ESCO2: variants seen among roughly 807,000 people sequenced by gnomAD.
ESCO2 encodes the protein N-acetyltransferase ESCO2.
In ESCO2, 51 loss-of-function variants were observed where a neutral mutation model predicts 61.7. The observed-to-expected ratio is 0.83, with a 90% CI of 0.66 to 1.04. The LOEUF (loss-of-function observed/expected upper bound fraction) is 1.04. ESCO2 is among the 50% of genes least tolerant of loss of function. The probability of loss-of-function intolerance (pLI) is 0.00; values close to 1 mark genes in which losing one functional copy is unlikely to be tolerated. For synonymous variants in ESCO2, 230 were observed against 238.2 expected (o/e 0.97, Z 0.32); for missense variants, 692 against 686.2 (o/e 1.01, Z -0.09).
chr8:27,803,538 A>T lies in ESCO2; in HGVS notation c.*100A>T. On this transcript the variant is annotated 3_prime_UTR_variant, in exon 11 of 11. Transcript: ENST00000305188. ...TAATATCAAAATAAAAAATACCGAG[A>T]CTCACACTCATACACACACACACAC... 1 of 1,489,462 alleles carries T rather than the reference A, an allele frequency of 6.7e-7. No individual in the cohort carries two copies. The highest frequency in any genetic ancestry group is 2.6e-5 in the East Asian group (1 of 38,702). The allele number at this position is 1,489,462 out of a possible 1,614,324, so 92.3% of individuals were successfully genotyped here.
rs1805517537 is a variant in ESCO2 at position 27,804,365 on chromosome 8, T to A, written c.*927T>A. 3.0e-6 allele frequency: 3 copies of A among 985,320 alleles called. No individual in the cohort carries two copies. The highest frequency in any genetic ancestry group is 3.6e-6 in the Non-Finnish European group (3 of 829,926). 61.0% of individuals were successfully genotyped at this position (985,320 alleles called of 1,614,324 possible). A position where few individuals can be genotyped will look rare whatever the true frequency, so the allele number is the denominator to read the frequency against. On this transcript the variant is annotated 3_prime_UTR_variant, in exon 11 of 11. Coordinates refer to ENST00000305188, the MANE Select transcript of ESCO2 (RefSeq NM_001017420.3). ...TAACAAAATGCCTAGTTGGATTAGA[T>A]GTTTTCATTTTCTAATTTTTTGCTT...
At chr8:27,816,691 A>G (rs1480791634), downstream of ESCO2, among the ~76,000 whole-genome samples, 1 of 151,996 alleles carries the variant, frequency 6.6e-6, no homozygotes, top group African/African-American at 2.4e-5. Context: ...ACTATATTTT[A>G]GTTGTGAAAT....
chr8:27,809,044 C>A (rs1038756833), downstream of ESCO2, among the ~76,000 whole-genome samples: 3 of 152,032 alleles, frequency 2.0e-5, no homozygotes, highest in Non-Finnish European at 1.5e-5. Context: ...AGAGCCAATT[C>A]AAGAAAGATC....
chr8:27,774,372 G>C (rs1804729896), upstream of ESCO2: 1 of 152,140 alleles, frequency 6.6e-6, no homozygotes, highest in South Asian at 2.1e-4. Flanking sequence ...TGTGGGTGGC[G>C]TGGTTTCCCT....
Position 27,804,170 on chromosome 8 carries a change from G to C in ESCO2, c.*732G>C, listed in dbSNP as rs1805514596. The C allele has an allele frequency of 1.0e-6, 1 of 985,242 alleles. No individual in the cohort carries two copies. Among genetic ancestry groups the C allele is most frequent in the Admixed American group, 6.2e-5 (1 of 16,258 alleles). The allele number at this position is 985,242 out of a possible 1,614,324, so 61.0% of individuals were successfully genotyped here. A position where few individuals can be genotyped will look rare whatever the true frequency, so the allele number is the denominator to read the frequency against. On this transcript the variant is annotated 3_prime_UTR_variant, in exon 11 of 11. Coordinates refer to ENST00000305188, the MANE Select transcript of ESCO2 (RefSeq NM_001017420.3). ...AGATTATCCCATATGCATTTCTGTAGAGCAGAATTTGATAGCTTAGTGTTC... is the reference window on the plus strand; with the variant it reads ...AGATTATCCCATATGCATTTCTGTACAGCAGAATTTGATAGCTTAGTGTTC...
Position 27,804,828 on chromosome 8 carries a change from T to C in ESCO2, c.*1390T>C, listed in dbSNP as rs1172119074. ...GCACTTATTTCTTTTAAATATTTTATTTAAAATTTTTAATTAACATTTTGT... is the reference window on the plus strand; with the variant it reads ...GCACTTATTTCTTTTAAATATTTTACTTAAAATTTTTAATTAACATTTTGT... On this transcript the variant is annotated 3_prime_UTR_variant, in exon 11 of 11. Coordinates refer to ENST00000305188, the MANE Select transcript of ESCO2 (RefSeq NM_001017420.3). 3.4e-6 allele frequency: 3 copies of C among 890,040 alleles called. No homozygotes were observed. The highest frequency in any genetic ancestry group is 2.7e-6 in the Non-Finnish European group (2 of 742,834). 55.1% of individuals were successfully genotyped at this position (890,040 alleles called of 1,614,324 possible).
At position 27,784,072 on chromosome 8, in the gene ESCO2, T is replaced by C. The variant is rs377499602; in HGVS notation, c.1013+15T>C. 5 of 1,610,280 alleles carry C rather than the reference T, an allele frequency of 3.1e-6. No homozygotes were observed. Among genetic ancestry groups the C allele is most frequent in the Non-Finnish European group, 4.2e-6 (5 of 1,176,726 alleles). On this transcript the variant is annotated intron_variant, in intron 5 of 10. Transcript: ENST00000305188. ...AATTCAAAAAGGTGAGAATTGTTAT[T>C]GTTTTAAAGTCCAAGCCTTGTAAAT...
downstream of ESCO2, among the ~76,000 whole-genome samples, chr8:27,807,534 T>G (rs1805585684): frequency 1.3e-5 from 2 of 152,220 alleles, no homozygotes; most frequent in Non-Finnish European, 2.9e-5. Context: ...ACTTTTCATG[T>G]GTTCTTGAAT....
downstream of ESCO2, chr8:27,810,837 T>C (rs1585418920): frequency 5.7e-6 from 4 of 701,986 alleles, no homozygotes; most frequent in Non-Finnish European, 9.5e-6. Flanking sequence ...TTGTGTGAGA[T>C]TAAACCTTGG....
upstream of ESCO2, among the ~76,000 whole-genome samples, chr8:27,773,325 C>T (rs890352941): frequency 2.6e-5 from 4 of 152,200 alleles, no homozygotes; most frequent in Non-Finnish European, 5.9e-5. Context: ...TCTAGCCAAT[C>T]ACTGATGCTT....
In ESCO2 at chr8:27,804,831, A is replaced by T. The variant is rs1805526009; in HGVS notation, c.*1393A>T. 1 of 898,244 alleles carries T rather than the reference A, an allele frequency of 1.1e-6. No individual in the cohort carries two copies. Among genetic ancestry groups the T allele is most frequent in the South Asian group, 5.1e-5 (1 of 19,506 alleles). 55.6% of individuals were successfully genotyped at this position (898,244 alleles called of 1,614,324 possible). On this transcript the variant is annotated 3_prime_UTR_variant, in exon 11 of 11. Coordinates refer to ENST00000305188, the MANE Select transcript of ESCO2 (RefSeq NM_001017420.3). Reference sequence around the variant, plus strand: ...CTTATTTCTTTTAAATATTTTATTTAAAATTTTTAATTAACATTTTGTTTG... The same window carrying T: ...CTTATTTCTTTTAAATATTTTATTTTAAATTTTTAATTAACATTTTGTTTG...
chr8:27,797,930 A>C (rs1805337680), intron 9 of ESCO2, among the ~76,000 whole-genome samples: 1 of 152,112 alleles, frequency 6.6e-6, no homozygotes, highest in Non-Finnish European at 1.5e-5. Context: ...TTATGTCCTG[A>C]TAATAGGCAA....
chr8:27,794,101 C>T (rs1805241718), intron 9 of ESCO2, among the ~76,000 whole-genome samples: 1 of 152,172 alleles, frequency 6.6e-6, no homozygotes, highest in Admixed American at 6.5e-5. Flanking sequence ...TAGTATTCCA[C>T]CTGTATATGT....
At chr8:27,805,696 G>A (rs530608022), downstream of ESCO2, among the ~76,000 whole-genome samples, 81 of 152,068 alleles carry the variant, frequency 5.3e-4, no homozygotes, top group Admixed American at 1.5e-3. Context: ...CTGCAGCCTC[G>A]ACCTCCCAGG....
chr8:27,803,219 A>G (rs1036056685), intron 10 of ESCO2, 87 bp from the exon 11 acceptor site: 5 of 1,193,648 alleles, frequency 4.2e-6, no homozygotes, highest in Non-Finnish European at 6.2e-6. Context: ...GGTTGATTTA[A>G]GTCAAGAGTA....
At chr8:27,810,884 TAGAA>T (rs1171665204), downstream of ESCO2, 53 of 1,006,930 alleles carry the variant, frequency 5.3e-5, no homozygotes, top group Non-Finnish European at 7.1e-5. Context: ...ATACATATCT[TAGAA>T]AGATAAAATT....
intron 8 of ESCO2, 37 bp downstream of exon 8, chr8:27,792,089 C>A: frequency 1.2e-6 from 2 of 1,601,934 alleles, no homozygotes; most frequent in Admixed American, 1.7e-5. Flanking sequence ...TGCCTTTCCC[C>A]ACCCCCAAGA....
rs1215513372 is a variant in ESCO2, at chr8:27,788,023, G to C, written c.1131+21G>C. Reference sequence around the variant, plus strand: ...TCATCGTGAGTAAATTCCAAACAAAGCTTCTCCTATCTAGCCCTTTGCAGA... The same window carrying C: ...TCATCGTGAGTAAATTCCAAACAAACCTTCTCCTATCTAGCCCTTTGCAGA... On this transcript the variant is annotated intron_variant, in intron 6 of 10. Transcript: ENST00000305188. 3 of 1,563,520 alleles carry C rather than the reference G, an allele frequency of 1.9e-6. No homozygotes were observed. In the African/African-American group the frequency reaches 4.1e-5, roughly 21 times the overall value.
intron 8 of ESCO2, 131 bp from the exon 9 acceptor site, chr8:27,792,537 T>G (rs1805200622): frequency 1.1e-6 from 1 of 938,454 alleles, no homozygotes; most frequent in Non-Finnish European, 1.6e-6. Flanking sequence ...ATTTTGGAGG[T>G]GTATAAATTT....
Sources: gnomAD v4.1 joint callset for allele counts (sites outside exome capture counted in the v4.1 genomes callset) on GRCh38, gnomAD v4.1.1 for gene constraint, MANE v1.5 for transcripts, NCBI Gene and HGNC (gene_info 2026-07-23, HGNC 2026-07-21) for gene names.